The following PCDHA8 variants were observed in gnomAD, a reference collection of about 807,000 sequenced individuals.
The protein encoded by PCDHA8 is protocadherin alpha 8.
PCDHA8 carries 53 observed loss-of-function variants against 61.8 expected under a neutral mutation model. The ratio of observed to expected loss-of-function variants is 0.86; its 90% CI spans 0.69 to 1.08. The LOEUF (loss-of-function observed/expected upper bound fraction) is 1.08, where lower values mean the gene tolerates loss of function less well. PCDHA8 is among the 50% of genes least tolerant of loss of function. The pLI is 0.00. For missense variants in PCDHA8, 1,293 were observed against 1,245.0 expected (o/e 1.04, Z -0.58); for synonymous variants, 618 against 556.6 (o/e 1.11, Z -1.55).
At chr5:140,998,130 A>C (rs1226238554) in intron 3 of PCDHA8, among the ~76,000 whole-genome samples, 1 of 152,206 alleles carries the variant, frequency 6.6e-6, no homozygotes, top group Non-Finnish European at 1.5e-5. Context: ...GAATCATAAT[A>C]GCTAACCTGT....
rs994045696 is a variant in PCDHA8 at position 140,859,234 on chromosome 5, T to G, written c.2394+15519T>G. 5 of 142,110 alleles carry G rather than the reference T, an allele frequency of 3.5e-5. 2 individuals carry two copies. The highest frequency in any genetic ancestry group is 8.0e-5 in the Non-Finnish European group (5 of 62,814). The allele number at this position is 142,110 out of a possible 1,614,324, so 8.8% of individuals were successfully genotyped here. A position where few individuals can be genotyped will look rare whatever the true frequency, so the allele number is the denominator to read the frequency against. ...CTCTTTCACTTTAAGGAAGGAGTCA[T>G]GCTTATGTTTAATAATGAAGAGAAT... On this transcript the variant is annotated intron_variant, in intron 1 of 3. Transcript: ENST00000531613.
intron 1 of PCDHA8, chr5:140,858,598 T>C: frequency 7.7e-7 from 1 of 1,294,926 alleles, no homozygotes; most frequent in Non-Finnish European, 1.1e-6. Context: ...TTCCAGGAGT[T>C]TTAAAATTTT....
chr5:140,926,787 A>G, intron 1 of PCDHA8: 2 of 1,420,842 alleles, frequency 1.4e-6, no homozygotes, highest in Non-Finnish European at 1.8e-6. Context: ...GACGGCCGGC[A>G]GGAGCGTGCT....
intron 3 of PCDHA8, among the ~76,000 whole-genome samples, chr5:141,000,228 G>C (rs994042672): frequency 3.3e-5 from 5 of 151,306 alleles, no homozygotes; most frequent in Non-Finnish European, 2.9e-5. Context: ...CCTGTGTGGA[G>C]CTGAATGTGG....
intron 1 of PCDHA8, among the ~76,000 whole-genome samples, chr5:140,924,902 AAAAT>A (rs1239542905): frequency 0.13 from 4,984 of 38,732 alleles, 244 homozygotes; most frequent in African/African-American, 0.34. Flanking sequence ...CTCAAAAAAA[AAAAT>A]AAAATAAAAT....
At chr5:140,914,065 C>CTCCA (rs2076587155) in intron 1 of PCDHA8, among the ~76,000 whole-genome samples, 1 of 152,106 alleles carries the variant, frequency 6.6e-6, no homozygotes. Flanking sequence ...GGATGAAATG[C>CTCCA]TCCATAACTA....
chr5:140,877,822 TTAAA>T, intron 1 of PCDHA8: 1 of 1,603,218 alleles, frequency 6.2e-7, no homozygotes, highest in East Asian at 2.2e-5. Flanking sequence ...AGAAGATTGT[TTAAA>T]TCCTCCCAGT....
intron 1 of PCDHA8, among the ~76,000 whole-genome samples, chr5:140,936,322 A>C (rs1225268806): frequency 2.6e-5 from 4 of 152,196 alleles, no homozygotes; most frequent in Admixed American, 6.5e-5. Context: ...CTGACATGCT[A>C]TAAATTTTCT....
intron 1 of PCDHA8, chr5:140,871,465 C>T (rs782500075): frequency 5.0e-6 from 8 of 1,602,850 alleles, no homozygotes; most frequent in Non-Finnish European, 6.0e-6. Flanking sequence ...AGGGGAAAGA[C>T]AGGAGCCAGG....
At chr5:140,888,557 T>G (rs2153424359) in intron 1 of PCDHA8, among the ~76,000 whole-genome samples, 1 of 152,366 alleles carries the variant, frequency 6.6e-6, no homozygotes, top group East Asian at 1.9e-4. Flanking sequence ...TTTATTCCTT[T>G]CAAGGCTTCA....
At chr5:140,929,390 T>C in intron 1 of PCDHA8, 1 of 1,511,570 alleles carries the variant, frequency 6.6e-7, no homozygotes, top group Non-Finnish European at 8.8e-7. Flanking sequence ...TGTTTTGAAA[T>C]ATTTCTTAGA....
At chr5:140,902,199 CTT>C (rs1290062929) in intron 1 of PCDHA8, among the ~76,000 whole-genome samples, 2 of 139,232 alleles carry the variant, frequency 1.4e-5, no homozygotes, top group Admixed American at 7.2e-5. Flanking sequence ...CTCTCTCTCT[CTT>C]TCTTTTTTTT....
intron 1 of PCDHA8, chr5:140,865,192 A>G (rs1306002523): frequency 6.6e-6 from 1 of 152,218 alleles, no homozygotes; most frequent in Admixed American, 6.5e-5. Context: ...CCTTCACACC[A>G]TATTAATGTG....
chr5:140,924,096 T>C (rs1044149112), intron 1 of PCDHA8, among the ~76,000 whole-genome samples: 1 of 152,222 alleles, frequency 6.6e-6, no homozygotes, highest in Non-Finnish European at 1.5e-5. Context: ...AAAGAATAAA[T>C]TTTCATTCCA....
At chr5:141,000,210 A>G (rs1475631796) in intron 3 of PCDHA8, among the ~76,000 whole-genome samples, 3 of 151,622 alleles carry the variant, frequency 2.0e-5, no homozygotes, top group Non-Finnish European at 2.9e-5. Context: ...CACCTTCATT[A>G]TCAAATGCCT....
chr5:140,882,720 G>T, intron 1 of PCDHA8: 2 of 1,614,198 alleles, frequency 1.2e-6, no homozygotes, highest in Non-Finnish European at 1.7e-6. Context: ...CCGGAAACTC[G>T]ATTTCCACTA....
chr5:140,923,110 A>G (rs2081174881), intron 1 of PCDHA8, among the ~76,000 whole-genome samples: 1 of 152,184 alleles, frequency 6.6e-6, no homozygotes, highest in South Asian at 2.1e-4. Flanking sequence ...TATGATTTTA[A>G]GTTTTTAGGG....
chr5:140,871,193 T>G (rs782048235), intron 1 of PCDHA8: 2 of 1,613,630 alleles, frequency 1.2e-6, no homozygotes, highest in African/African-American at 1.3e-5. Flanking sequence ...GATGTCAACG[T>G]GTACCTGATC....
At chr5:140,934,957 G>A (rs2090122349) in intron 1 of PCDHA8, among the ~76,000 whole-genome samples, 1 of 152,250 alleles carries the variant, frequency 6.6e-6, no homozygotes, top group Non-Finnish European at 1.5e-5. Context: ...GATCCCATGT[G>A]CTTGTCACCC....
Sources: allele counts gnomAD v4.1 joint callset (sites outside exome capture counted in the v4.1 genomes callset), GRCh38; gene constraint gnomAD v4.1.1; transcripts MANE v1.5; gene names NCBI Gene and HGNC (gene_info 2026-07-23, HGNC 2026-07-21).